GRM7: variants seen among roughly 807,000 people sequenced by gnomAD.
GRM7 encodes the protein metabotropic glutamate receptor 7.
Under a neutral mutation model 84.5 loss-of-function variants are expected in GRM7, and 35 were observed. The observed-to-expected ratio is 0.41, with a 90% CI of 0.32 to 0.55. GRM7 has a LOEUF of 0.55. Among genes scored for constraint, GRM7 ranks in the 20% least tolerant of loss-of-function variants. GRM7 has a pLI of 0.19. For synonymous variants in GRM7, 487 were observed against 455.1 expected (o/e 1.07, Z -0.89); for missense variants, 1,003 against 1,194.6 (o/e 0.84, Z 2.36).
intron 5 of GRM7, among the ~76,000 whole-genome samples, chr3:7,436,002 A>C (rs968610149): frequency 6.6e-6 from 1 of 150,912 alleles, no homozygotes; most frequent in African/African-American, 2.4e-5. Context: ...AGGCCCAGCC[A>C]TGCCCGACTA....
At chr3:7,624,093 C>T (rs911612854) in intron 8 of GRM7, among the ~76,000 whole-genome samples, 2 of 152,106 alleles carry the variant, frequency 1.3e-5, no homozygotes, top group Admixed American at 6.6e-5. Flanking sequence ...CTATAATATA[C>T]AGGAACTAAT....
At chr3:7,074,513 A>G (rs1183806117) in intron 1 of GRM7, among the ~76,000 whole-genome samples, 2 of 152,192 alleles carry the variant, frequency 1.3e-5, no homozygotes, top group East Asian at 1.9e-4. Flanking sequence ...GCGACATTAT[A>G]AATACAAAAT....
intron 7 of GRM7, among the ~76,000 whole-genome samples, chr3:7,561,163 G>A (rs545777272): frequency 1.1e-4 from 16 of 152,064 alleles, no homozygotes; most frequent in South Asian, 2.1e-4. Context: ...GCTTTCTTGC[G>A]TTTTCTCAAG....
chr3:7,514,410 T>A (rs1700307825), intron 7 of GRM7, among the ~76,000 whole-genome samples: 1 of 152,214 alleles, frequency 6.6e-6, no homozygotes, highest in Non-Finnish European at 1.5e-5. Flanking sequence ...TACCTATATC[T>A]TCAGTAAGCT....
chr3:7,054,094 T>G (rs1039554571), intron 1 of GRM7, among the ~76,000 whole-genome samples: 1 of 150,892 alleles, frequency 6.6e-6, no homozygotes, highest in East Asian at 2.0e-4. Flanking sequence ...ATTTTCATTT[T>G]AATTTTCAAT....
chr3:7,166,852 C>T (rs934268987), intron 2 of GRM7, among the ~76,000 whole-genome samples: 2 of 152,110 alleles, frequency 1.3e-5, no homozygotes, highest in Non-Finnish European at 2.9e-5. Flanking sequence ...CCCATGTTGC[C>T]TTAGCATTTA....
intron 8 of GRM7, among the ~76,000 whole-genome samples, chr3:7,646,956 A>AC (rs1698674190): frequency 6.6e-6 from 1 of 152,202 alleles, no homozygotes; most frequent in African/African-American, 2.4e-5. Context: ...AGGCTGCATT[A>AC]CCAGGTACAC....
At chr3:7,089,935 C>T (rs543446864) in intron 1 of GRM7, among the ~76,000 whole-genome samples, 5 of 152,126 alleles carry the variant, frequency 3.3e-5, no homozygotes, top group East Asian at 1.9e-4. Context: ...CTCTACTCCC[C>T]GGGTTCAAGT....
chr3:7,237,148 A>C (rs1321465688), intron 2 of GRM7, among the ~76,000 whole-genome samples: 3 of 152,168 alleles, frequency 2.0e-5, no homozygotes, highest in Admixed American at 1.3e-4. Flanking sequence ...CCTGCCAGCA[A>C]GTCACTCTGT....
chr3:7,662,512 G>C (rs1699512268), intron 8 of GRM7, among the ~76,000 whole-genome samples: 1 of 152,194 alleles, frequency 6.6e-6, no homozygotes, highest in Non-Finnish European at 1.5e-5. Context: ...AAAATCATAT[G>C]AGACATTTTT....
rs531049277 is a variant in GRM7, at chr3:7,588,564, G to A, written c.2451+9207G>A. Among the ~76,000 whole-genome samples, 30 of 152,278 alleles carry A rather than the reference G, an allele frequency of 2.0e-4. No individual in the cohort carries two copies. The South Asian group carries it at 5.6e-3, about 28-fold the overall frequency. ...ACAAAAGCCACATTTTCCCATCTAA[G>A]TCTCATGTACATGATGGTGTTGGGG... On this transcript the variant is annotated intron_variant, in intron 8 of 9. Coordinates refer to ENST00000357716, the MANE Select transcript of GRM7 (RefSeq NM_000844.4).
intron 4 of GRM7, among the ~76,000 whole-genome samples, chr3:7,408,164 T>G (rs889179411): frequency 6.6e-6 from 1 of 152,226 alleles, no homozygotes; most frequent in Non-Finnish European, 1.5e-5. Context: ...CTTTTAGCCG[T>G]TAAACTATCA....
At chr3:7,330,137 C>G (rs1164847544) in intron 4 of GRM7, among the ~76,000 whole-genome samples, 1 of 152,106 alleles carries the variant, frequency 6.6e-6, no homozygotes. Context: ...TAAATGAACC[C>G]AAAAGGTCTC....
chr3:7,603,679 G>T (rs1426738647), intron 8 of GRM7, among the ~76,000 whole-genome samples: 1 of 151,780 alleles, frequency 6.6e-6, no homozygotes, highest in African/African-American at 2.4e-5. Context: ...TTTTTGTTTT[G>T]TTTGTTTTCC....
intron 1 of GRM7, among the ~76,000 whole-genome samples, chr3:6,880,752 C>T (rs972609863): frequency 6.6e-6 from 1 of 152,134 alleles, no homozygotes; most frequent in Admixed American, 6.6e-5. Context: ...TTTATTCCTT[C>T]TCGTCTCGTA....
intron 1 of GRM7, among the ~76,000 whole-genome samples, chr3:7,141,474 A>C (rs1280553513): frequency 6.6e-6 from 1 of 152,086 alleles, no homozygotes; most frequent in Non-Finnish European, 1.5e-5. Flanking sequence ...CCATGCGGGA[A>C]GATAAAATGT....
chr3:7,225,587 T>C (rs1219666239), intron 2 of GRM7, among the ~76,000 whole-genome samples: 4 of 148,754 alleles, frequency 2.7e-5, no homozygotes, highest in Non-Finnish European at 5.9e-5. Flanking sequence ...GAAATTAATA[T>C]ATACTTTCTA....
intron 2 of GRM7, among the ~76,000 whole-genome samples, chr3:7,274,920 T>C (rs1698996949): frequency 6.6e-6 from 1 of 152,110 alleles, no homozygotes; most frequent in Non-Finnish European, 1.5e-5. Flanking sequence ...GGTATTTGCA[T>C]TATGTGTATA....
intron 9 of GRM7, among the ~76,000 whole-genome samples, chr3:7,696,447 A>G (rs925798322): frequency 2.0e-5 from 3 of 152,144 alleles, no homozygotes; most frequent in Non-Finnish European, 4.4e-5. Flanking sequence ...CCCTGTATCT[A>G]AGGGAGGATG....
Sources: allele counts gnomAD v4.1 joint callset (sites outside exome capture counted in the v4.1 genomes callset), GRCh38; gene constraint gnomAD v4.1.1; transcripts MANE v1.5; gene names NCBI Gene and HGNC (gene_info 2026-07-23, HGNC 2026-07-21).